MTA3: variants seen among roughly 807,000 people sequenced by gnomAD.
MTA3 encodes the protein metastasis-associated protein MTA3.
MTA3 carries 34 observed loss-of-function variants against 83.5 expected under a neutral mutation model. The ratio of observed to expected loss-of-function variants is 0.41; its 90% CI spans 0.31 to 0.54. MTA3 has a LOEUF of 0.54. MTA3 is among the 20% of genes least tolerant of loss of function. MTA3 has a pLI of 0.33. For missense variants in MTA3, 761 were observed against 726.4 expected, an observed-to-expected ratio of 1.05 and a Z score of -0.55; for synonymous variants, 303 against 252.7, an observed-to-expected ratio of 1.20 and a Z score of -1.89.
At chr2:42,634,009 A>G (rs1430900566) in intron 4 of MTA3, among the ~76,000 whole-genome samples, 2 of 152,166 alleles carry the variant, frequency 1.3e-5, no homozygotes, top group Non-Finnish European at 2.9e-5. Context: ...ACCGGGAGTG[A>G]TATTGTATCC....
At chr2:42,562,497 G>A (rs1278052862) in intron 2 of MTA3, among the ~76,000 whole-genome samples, 2 of 152,176 alleles carry the variant, frequency 1.3e-5, no homozygotes, top group African/African-American at 4.8e-5. Flanking sequence ...GATGCTTGCT[G>A]ACAATTTTTC....
intron 4 of MTA3, among the ~76,000 whole-genome samples, chr2:42,634,213 C>G (rs1434935347): frequency 2.0e-5 from 3 of 152,188 alleles, no homozygotes; most frequent in African/African-American, 7.2e-5. Flanking sequence ...TATATAGAGT[C>G]ATTGTACATA....
intron 8 of MTA3, chr2:42,680,382 A>G (rs1331204768): frequency 1.3e-5 from 2 of 152,256 alleles, no homozygotes; most frequent in African/African-American, 4.8e-5. Flanking sequence ...GACTTAAGCC[A>G]AAAGCTAAAT....
chr2:42,578,984 A>G (rs1248339671), intron 2 of MTA3, 123 bp from the exon 3 acceptor site: 3 of 588,778 alleles, frequency 5.1e-6, no homozygotes, highest in Non-Finnish European at 8.8e-6. Context: ...GTTATCCTGC[A>G]GTTGTGGTTG....
Position 42,568,705 on chromosome 2 carries a change from G to C in MTA3, c.-41G>C. On this transcript the variant is annotated 5_prime_UTR_variant, in exon 1 of 17. Coordinates refer to ENST00000405094, the MANE Select transcript of MTA3 (RefSeq NM_001330442.2). The stretch of plus-strand genomic sequence containing the variant: ...AGGCTGAGGAGGAGGCGGCGGCGGC[G>C]GGCGGGGCTCGGCTCGGGCTCCGCG... The C allele has an allele frequency of 1.7e-6, 2 of 1,203,488 alleles. No homozygotes were observed. Among genetic ancestry groups the C allele is most frequent in the Non-Finnish European group, 2.1e-6 (2 of 970,652 alleles). The allele number at this position is 1,203,488 out of a possible 1,614,324, so 74.6% of individuals were successfully genotyped here. A position where few individuals can be genotyped will look rare whatever the true frequency, so the allele number is the denominator to read the frequency against.
intron 4 of MTA3, among the ~76,000 whole-genome samples, chr2:42,620,207 C>T (rs557670201): frequency 6.6e-6 from 1 of 151,720 alleles, no homozygotes; most frequent in South Asian, 2.1e-4. Context: ...CAACCTCTGC[C>T]ACCCACGTTC....
At chr2:42,531,415 T>A (rs1309740977) in intron 2 of MTA3, among the ~76,000 whole-genome samples, 1 of 151,754 alleles carries the variant, frequency 6.6e-6, no homozygotes, top group Non-Finnish European at 1.5e-5. Flanking sequence ...TTAAACAATC[T>A]ATTTTTTTAG....
At chr2:42,697,881 A>G (rs1159662213) in intron 11 of MTA3, 47 bp downstream of exon 11, 1 of 1,319,092 alleles carries the variant, frequency 7.6e-7, no homozygotes, top group South Asian at 1.5e-5. Context: ...TCTTAATTTT[A>G]TCATTGCAGA....
intron 2 of MTA3, among the ~76,000 whole-genome samples, chr2:42,528,478 C>T: frequency 6.6e-6 from 1 of 152,194 alleles, no homozygotes; most frequent in Non-Finnish European, 1.5e-5. Flanking sequence ...CCTCGGCCTC[C>T]CAAAGTGCTG....
chr2:42,543,490 T>G (rs144713884), intron 2 of MTA3, among the ~76,000 whole-genome samples: 2 of 152,034 alleles, frequency 1.3e-5, no homozygotes. Context: ...GTTCTTTTTA[T>G]GTTTGTTTGT....
chr2:42,596,013 G>C (rs935246601), intron 3 of MTA3, among the ~76,000 whole-genome samples: 15 of 152,284 alleles, frequency 9.9e-5, no homozygotes, highest in Admixed American at 2.0e-4. Context: ...ACTAAAGAGA[G>C]AAGGGAAAAT....
At chr2:42,577,105 A>AAAATATATATAT (rs1211189566) in intron 2 of MTA3, among the ~76,000 whole-genome samples, 35 of 86,906 alleles carry the variant, frequency 4.0e-4, no homozygotes, top group African/African-American at 1.9e-3. Flanking sequence ...AAAAAAAAAA[A>AAAATATATATAT]ATATATATAT....
At chr2:42,635,680 A>G (rs1208992596) in intron 4 of MTA3, among the ~76,000 whole-genome samples, 1 of 152,198 alleles carries the variant, frequency 6.6e-6, no homozygotes, top group African/African-American at 2.4e-5. Flanking sequence ...TGTAAAGTCA[A>G]TAAAAAAATG....
chr2:42,745,902 C>T (rs969809045), intron 16 of MTA3, among the ~76,000 whole-genome samples: 3 of 142,462 alleles, frequency 2.1e-5, no homozygotes, highest in African/African-American at 7.9e-5. Context: ...CAACCTCTGA[C>T]TCCCTGGTTC....
chr2:42,640,715 T>C (rs545584162), intron 5 of MTA3, among the ~76,000 whole-genome samples: 14 of 152,286 alleles, frequency 9.2e-5, no homozygotes, highest in African/African-American at 3.4e-4. Context: ...AGTTAACAAG[T>C]TGAGATAGAG....
At chr2:42,497,557 C>T (rs536827289) in intron 2 of MTA3, among the ~76,000 whole-genome samples, 12 of 151,618 alleles carry the variant, frequency 7.9e-5, no homozygotes, top group Non-Finnish European at 1.3e-4. Context: ...TGCCCTTGAG[C>T]CTGGGTGATG....
chr2:42,519,422 A>G (rs1167108711), intron 2 of MTA3, among the ~76,000 whole-genome samples: 1 of 152,060 alleles, frequency 6.6e-6, no homozygotes, highest in Non-Finnish European at 1.5e-5. Flanking sequence ...CCTGGCCAAC[A>G]TGGTGAAACC....
At chr2:42,567,052 T>C (rs1224923218), upstream of MTA3, among the ~76,000 whole-genome samples, 2 of 152,200 alleles carry the variant, frequency 1.3e-5, no homozygotes, top group Non-Finnish European at 2.9e-5. Flanking sequence ...ACAGAACACT[T>C]TTGCTTTCTT....
intron 4 of MTA3, among the ~76,000 whole-genome samples, chr2:42,627,643 A>C (rs1686240694): frequency 6.6e-6 from 1 of 151,474 alleles, no homozygotes; most frequent in African/African-American, 2.4e-5. Flanking sequence ...GGCTCACTGC[A>C]ACCTCCACCT....
Sources: gnomAD v4.1 joint callset for allele counts (sites outside exome capture counted in the v4.1 genomes callset) on GRCh38, gnomAD v4.1.1 for gene constraint, MANE v1.5 for transcripts, NCBI Gene and HGNC (gene_info 2026-07-23, HGNC 2026-07-21) for gene names.